Variants in NDUFAF6 observed in about 807,000 individuals in gnomAD.
NDUFAF6 encodes NADH dehydrogenase (ubiquinone) complex I, assembly factor 6.
NDUFAF6 carries 45 observed loss-of-function variants against 40.8 expected under a neutral mutation model. The ratio of observed to expected loss-of-function variants is 1.10; its 90% confidence interval spans 0.87 to 1.42. The LOEUF is 1.42. NDUFAF6 is among the 40% of genes most tolerant of loss of function. The pLI is 0.00. For missense variants in NDUFAF6, 435 were observed against 418.5 expected (o/e 1.04, Z -0.34); for synonymous variants, 185 against 155.9 (o/e 1.19, Z -1.39).
At chr8:94,946,469 G>A (rs1339587998) in intron 2 of NDUFAF6, among the ~76,000 whole-genome samples, 1 of 151,760 alleles carries the variant, frequency 6.6e-6, no homozygotes, top group Non-Finnish European at 1.5e-5. Flanking sequence ...GGGATGCCAA[G>A]GCAGGAGGAT....
chr8:95,089,425 A>T (rs1218483313), intron 2 of NDUFAF6, among the ~76,000 whole-genome samples: 2 of 148,920 alleles, frequency 1.3e-5, no homozygotes, highest in Non-Finnish European at 3.0e-5. Flanking sequence ...GTATCACTGT[A>T]TATAGAAGAA....
chr8:94,906,695 G>A (rs1314855985), intron 1 of NDUFAF6, among the ~76,000 whole-genome samples: 3 of 152,314 alleles, frequency 2.0e-5, no homozygotes, highest in South Asian at 2.1e-4. Context: ...GGTTTAAGTC[G>A]TGGATCCACC....
At chr8:95,064,481 TA>T (rs1832651630) in intron 9 of NDUFAF6, among the ~76,000 whole-genome samples, 1 of 152,204 alleles carries the variant, frequency 6.6e-6, no homozygotes, top group African/African-American at 2.4e-5. Flanking sequence ...GAAAATATTT[TA>T]AAAGTCACCC....
chr8:94,917,638 G>T (rs1386352971), intron 1 of NDUFAF6, among the ~76,000 whole-genome samples: 1 of 152,072 alleles, frequency 6.6e-6, no homozygotes, highest in Admixed American at 6.6e-5. Flanking sequence ...AAAATTTAGT[G>T]CATCAACACT....
intron 4 of NDUFAF6, among the ~76,000 whole-genome samples, chr8:95,115,174 AATCT>A (rs1287073073): frequency 2.0e-5 from 3 of 152,220 alleles, no homozygotes; most frequent in Non-Finnish European, 2.9e-5. Context: ...ATGTTTAATC[AATCT>A]AATTTATTCA....
At chr8:95,105,064 CACAGAGAGAGAGAGAGAGAGAG>C (rs1432346399), downstream of NDUFAF6, among the ~76,000 whole-genome samples, 165 of 105,808 alleles carry the variant, frequency 1.6e-3, no homozygotes, top group South Asian at 3.5e-3. Flanking sequence ...CACACACACA[CACAGAGAGAGAGAGAGAGAGAG>C]AGAGAGAGAG....
chr8:95,048,165 GC>G (rs1259358763), intron 6 of NDUFAF6, among the ~76,000 whole-genome samples: 2 of 152,136 alleles, frequency 1.3e-5, no homozygotes, highest in African/African-American at 4.8e-5. Flanking sequence ...CTGCACTCCA[GC>G]CTGGGTGACA....
intron 2 of NDUFAF6, among the ~76,000 whole-genome samples, chr8:94,947,574 C>G (rs1348041984): frequency 1.3e-5 from 2 of 152,122 alleles, no homozygotes; most frequent in Non-Finnish European, 2.9e-5. Flanking sequence ...GGATTTTGAA[C>G]TGCAGAAAAA....
chr8:95,106,850 A>G (rs558228546), downstream of NDUFAF6, among the ~76,000 whole-genome samples: 3 of 152,366 alleles, frequency 2.0e-5, no homozygotes, highest in African/African-American at 4.8e-5. Flanking sequence ...TCTCAAAAAA[A>G]GACATTTATG....
At chr8:95,043,035 G>A (rs1182711710) in intron 4 of NDUFAF6, among the ~76,000 whole-genome samples, 1 of 151,704 alleles carries the variant, frequency 6.6e-6, no homozygotes, top group Non-Finnish European at 1.5e-5. Context: ...GAAACTCTTA[G>A]GGGAAAGCAT....
intron 1 of NDUFAF6, among the ~76,000 whole-genome samples, chr8:94,919,531 T>C (rs1335411103): frequency 6.6e-6 from 1 of 152,186 alleles, no homozygotes; most frequent in Non-Finnish European, 1.5e-5. Context: ...GCAGTTCCCA[T>C]GATTTGCTCT....
chr8:94,974,021 T>G (rs1427033591), intron 1 of NDUFAF6, among the ~76,000 whole-genome samples: 1 of 152,048 alleles, frequency 6.6e-6, no homozygotes, highest in African/African-American at 2.4e-5. Context: ...TTCATGAAAG[T>G]GAGGAAAACA....
chr8:94,904,622 C>T (rs542192793), intron 1 of NDUFAF6, among the ~76,000 whole-genome samples: 3 of 151,954 alleles, frequency 2.0e-5, no homozygotes, highest in Admixed American at 6.6e-5. Context: ...ATGTCTTCCA[C>T]GGTATCTTTC....
At chr8:95,117,407 A>T (rs559972603), downstream of NDUFAF6, among the ~76,000 whole-genome samples, 1 of 152,216 alleles carries the variant, frequency 6.6e-6, no homozygotes, top group Non-Finnish European at 1.5e-5. Flanking sequence ...ATCCACAGAA[A>T]GCTCTCCAGG....
upstream of NDUFAF6, among the ~76,000 whole-genome samples, chr8:94,953,349 G>GA (rs958962990): frequency 0.015 from 1,879 of 128,366 alleles, 24 homozygotes; most frequent in African/African-American, 0.046. Flanking sequence ...TCCATCTCAA[G>GA]AAAAAAAAAA....
chr8:95,028,991 G>C (rs1410325530), intron 1 of NDUFAF6, among the ~76,000 whole-genome samples: 1 of 152,178 alleles, frequency 6.6e-6, no homozygotes, highest in Admixed American at 6.5e-5. Context: ...TCTTGAGATA[G>C]CAAGGTTACT....
intron 1 of NDUFAF6, among the ~76,000 whole-genome samples, chr8:94,938,244 C>G (rs1324782124): frequency 6.6e-6 from 1 of 152,170 alleles, no homozygotes; most frequent in African/African-American, 2.4e-5. Flanking sequence ...CATGCTCATA[C>G]AGTACGATGA....
chr8:94,946,131 G>A (rs1396848807), intron 2 of NDUFAF6, among the ~76,000 whole-genome samples: 1 of 150,940 alleles, frequency 6.6e-6, no homozygotes, highest in African/African-American at 2.4e-5. Context: ...CTACACATAA[G>A]GCTTCTTTTT....
At chr8:94,962,716 G>C (rs906274282) in intron 1 of NDUFAF6, among the ~76,000 whole-genome samples, 23 of 151,462 alleles carry the variant, frequency 1.5e-4, no homozygotes, top group African/African-American at 5.6e-4. Context: ...GGACTCAAGT[G>C]ATCCTCCCAC....
Sources: gnomAD v4.1 joint callset for allele counts (sites outside exome capture counted in the v4.1 genomes callset) on GRCh38, gnomAD v4.1.1 for gene constraint, MANE v1.5 for transcripts, NCBI Gene and HGNC (gene_info 2026-07-23, HGNC 2026-07-21) for gene names.